TNFAIP8: variants seen among roughly 807,000 people sequenced by gnomAD.
TNFAIP8 encodes tumor necrosis factor alpha-induced protein 8.
TNFAIP8 carries 7 observed loss-of-function variants against 13.3 expected under a neutral mutation model. The ratio of observed to expected loss-of-function variants is 0.52; its 90% CI spans 0.30 to 0.99. The LOEUF is 0.99. Among genes scored for constraint, TNFAIP8 ranks in the 50% least tolerant of loss-of-function variants. The pLI, the probability that TNFAIP8 is intolerant of heterozygous loss-of-function variation, is 0.07. For synonymous variants in TNFAIP8, 94 were observed against 87.6 expected, an observed-to-expected ratio of 1.07 and a Z score of -0.41; for missense variants, 258 against 236.9, an observed-to-expected ratio of 1.09 and a Z score of -0.58.
At chr5:119,387,407 A>G (rs942506061) in intron 1 of TNFAIP8, among the ~76,000 whole-genome samples, 13 of 152,232 alleles carry the variant, frequency 8.5e-5, no homozygotes, top group African/African-American at 3.1e-4. Flanking sequence ...TAACTAGGCA[A>G]GAATTTGCAA....
intron 1 of TNFAIP8, among the ~76,000 whole-genome samples, chr5:119,371,174 G>A (rs997054008): frequency 6.6e-6 from 1 of 152,180 alleles, no homozygotes; most frequent in Non-Finnish European, 1.5e-5. Flanking sequence ...TAACAAGGAA[G>A]ATAAGACAGC....
intron 1 of TNFAIP8, among the ~76,000 whole-genome samples, chr5:119,373,641 C>T (rs896426889): frequency 3.9e-5 from 6 of 152,148 alleles, no homozygotes; most frequent in South Asian, 2.1e-4. Flanking sequence ...ACTGTTGAGA[C>T]GGAAGGGATT....
intron 1 of TNFAIP8, among the ~76,000 whole-genome samples, chr5:119,327,355 T>C (rs1330177374): frequency 6.6e-6 from 1 of 152,156 alleles, no homozygotes; most frequent in Non-Finnish European, 1.5e-5. Flanking sequence ...CATTCAAAAA[T>C]GATGTGTGCT....
chr5:119,301,312 C>A (rs1343697184), intron 1 of TNFAIP8, among the ~76,000 whole-genome samples: 1 of 152,198 alleles, frequency 6.6e-6, no homozygotes, highest in African/African-American at 2.4e-5. Context: ...TTCCACAATT[C>A]TTACCCCTCT....
intron 1 of TNFAIP8, among the ~76,000 whole-genome samples, chr5:119,291,215 A>G (rs1449191083): frequency 6.6e-6 from 1 of 152,238 alleles, no homozygotes; most frequent in Non-Finnish European, 1.5e-5. Flanking sequence ...ACAAGTAGAT[A>G]GCAAGGGCTA....
chr5:119,356,227 T>G, intron 1 of TNFAIP8, 106 bp downstream of exon 1: 1 of 1,072,770 alleles, frequency 9.3e-7, no homozygotes, highest in Non-Finnish European at 1.3e-6. Context: ...GTGGGCACTT[T>G]GTCCGCTTGC....
intron 1 of TNFAIP8, among the ~76,000 whole-genome samples, chr5:119,363,891 C>T (rs1242854491): frequency 6.6e-6 from 1 of 152,188 alleles, no homozygotes. Context: ...TGCATGACAG[C>T]CCCTCAGGTT....
rs569390833 is a variant in TNFAIP8, at chr5:119,368,145, A to G, written c.31+12024A>G. Among the ~76,000 whole-genome samples the G allele has an allele frequency of 1.1e-3, 161 of 152,254 alleles. 1 individual carries two copies. The highest frequency in any genetic ancestry group is 3.5e-3 in the African/African-American group (146 of 41,548). ...ACTTCTCTTCTTGAATCTGTGGTCC[A>G]CTTGAAATAGCATTTTTTTCCCCAA... On this transcript the variant is annotated intron_variant, in intron 1 of 1. Coordinates refer to ENST00000504771, the MANE Select transcript of TNFAIP8 (RefSeq NM_014350.4).
intron 1 of TNFAIP8, among the ~76,000 whole-genome samples, chr5:119,327,916 G>A (rs1350352872): frequency 6.6e-6 from 1 of 152,082 alleles, no homozygotes; most frequent in African/African-American, 2.4e-5. Flanking sequence ...CCAACTCTAA[G>A]CTGTTACATT....
intron 1 of TNFAIP8, among the ~76,000 whole-genome samples, chr5:119,303,324 C>T (rs1393325469): frequency 1.3e-5 from 2 of 152,074 alleles, no homozygotes; most frequent in East Asian, 3.8e-4. Context: ...GGCTTGGGTC[C>T]CAGTTAATGT....
At chr5:119,374,050 C>T (rs1752188221) in intron 1 of TNFAIP8, among the ~76,000 whole-genome samples, 1 of 152,036 alleles carries the variant, frequency 6.6e-6, no homozygotes, top group African/African-American at 2.4e-5. Flanking sequence ...TATCAGTTTC[C>T]ATTCACATAG....
intron 1 of TNFAIP8, among the ~76,000 whole-genome samples, chr5:119,334,225 A>C (rs1750475324): frequency 6.6e-6 from 1 of 151,872 alleles, no homozygotes; most frequent in African/African-American, 2.4e-5. Flanking sequence ...AGCCATACTT[A>C]ATGCTCCCAC....
At chr5:119,299,897 G>A (rs952130197) in intron 1 of TNFAIP8, among the ~76,000 whole-genome samples, 3 of 152,238 alleles carry the variant, frequency 2.0e-5, no homozygotes, top group East Asian at 1.9e-4. Flanking sequence ...CTCCGTGGGC[G>A]TAGGACCCTC....
chr5:119,375,591 A>C (rs939248255), intron 1 of TNFAIP8, among the ~76,000 whole-genome samples: 1 of 152,228 alleles, frequency 6.6e-6, no homozygotes, highest in Non-Finnish European at 1.5e-5. Flanking sequence ...GGGAACGACT[A>C]TAATGATCTT....
At chr5:119,318,272 G>A (rs1490162613) in intron 1 of TNFAIP8, among the ~76,000 whole-genome samples, 1 of 151,008 alleles carries the variant, frequency 6.6e-6, no homozygotes, top group Admixed American at 6.6e-5. Context: ...CTCTATATCA[G>A]CCTTTTGTTC....
chr5:119,288,339 A>G (rs900874978), intron 1 of TNFAIP8, among the ~76,000 whole-genome samples: 1 of 152,200 alleles, frequency 6.6e-6, no homozygotes, highest in Non-Finnish European at 1.5e-5. Flanking sequence ...GAGAGTGTGA[A>G]ACAAAGGTGT....
intron 1 of TNFAIP8, among the ~76,000 whole-genome samples, chr5:119,327,509 A>G (rs2112700107): frequency 6.6e-6 from 1 of 152,284 alleles, no homozygotes; most frequent in South Asian, 2.1e-4. Flanking sequence ...CCCAGGCTAG[A>G]GTGCAGTGGC....
intron 1 of TNFAIP8, among the ~76,000 whole-genome samples, chr5:119,370,678 C>G (rs964681403): frequency 1.3e-5 from 2 of 152,244 alleles, no homozygotes; most frequent in African/African-American, 4.8e-5. Context: ...CAACATCAGT[C>G]TGCAGCCAGA....
At chr5:119,294,330 AATG>A (rs1749095414) in intron 1 of TNFAIP8, among the ~76,000 whole-genome samples, 2 of 152,084 alleles carry the variant, frequency 1.3e-5, no homozygotes, top group South Asian at 4.2e-4. Context: ...GTTTACTGAG[AATG>A]ATGATTTCCA....
Sources: gnomAD v4.1 joint callset for allele counts (sites outside exome capture counted in the v4.1 genomes callset) on GRCh38, gnomAD v4.1.1 for gene constraint, MANE v1.5 for transcripts, NCBI Gene and HGNC (gene_info 2026-07-23, HGNC 2026-07-21) for gene names.